Variants in IL31RA observed in about 807,000 individuals in gnomAD.
IL31RA encodes the protein interleukin-31 receptor subunit alpha.
Under a neutral mutation model 83.7 loss-of-function variants are expected in IL31RA, and 66 were observed. The observed-to-expected ratio is 0.79, with a 90% CI of 0.65 to 0.97. The LOEUF (loss-of-function observed/expected upper bound fraction) is 0.97. Among genes scored for constraint, IL31RA ranks in the 50% least tolerant of loss-of-function variants. The pLI is 0.00. For missense variants in IL31RA, 798 were observed against 919.4 expected, an observed-to-expected ratio of 0.87 and a Z score of 1.71; for synonymous variants, 325 against 329.0, an observed-to-expected ratio of 0.99 and a Z score of 0.13.
At position 55,900,122 on chromosome 5, in the gene IL31RA, T is replaced by A. The variant is rs777231435; in HGVS notation, c.1059T>A (p.Ile353=). 2.5e-6 allele frequency: 4 copies of A among 1,611,672 alleles called. No individual in the cohort carries two copies. Among genetic ancestry groups the A allele is most frequent in the Non-Finnish European group, 3.4e-6 (4 of 1,177,866 alleles). Residue 353 remains isoleucine, a synonymous_variant, in exon 8 of 15, where the codon ATT becomes ATA. Transcript: ENST00000652347. The part of the protein sequence containing the change: ...SPVATLRIPA[I]QEKSFQCIEV... Reference sequence around the variant, plus strand: ...TGGCCACCCTGAGGATTCCAGCTATTCAAGAAAAATGTAAGTAGAGCATCA... The same window carrying A: ...TGGCCACCCTGAGGATTCCAGCTATACAAGAAAAATGTAAGTAGAGCATCA...
chr5:55,879,465 C>T (rs1461365586), intron 4 of IL31RA, among the ~76,000 whole-genome samples: 4 of 62,854 alleles, frequency 6.4e-5, no homozygotes, highest in Non-Finnish European at 1.1e-4. Flanking sequence ...TGGAGTGTTG[C>T]TCTATCACCC....
At position 55,871,897 on chromosome 5, in the gene IL31RA, C is replaced by CAT. The variant is rs954749021; in HGVS notation, c.273-366_273-365dup. Reference sequence around the variant, plus strand: ...CCTTACATATATGAATATATTTTTACATATATATGTAAAAGAATAAATTTT... The same window carrying CAT: ...CCTTACATATATGAATATATTTTTACATATATATATGTAAAAGAATAAATTTT... On this transcript the variant is annotated intron_variant, in intron 3 of 14. Coordinates refer to ENST00000652347, the MANE Select transcript of IL31RA (RefSeq NM_139017.7). Among the ~76,000 whole-genome samples, 28 of 149,966 alleles carry CAT rather than the reference C, an allele frequency of 1.9e-4. No homozygotes were observed. The East Asian group carries it at 5.0e-3, about 27-fold the overall frequency.
chr5:55,913,130 G>A (rs571267850), intron 12 of IL31RA, among the ~76,000 whole-genome samples: 324 of 152,098 alleles, frequency 2.1e-3, no homozygotes, highest in Non-Finnish European at 4.1e-3. Flanking sequence ...TAGCCCTGTC[G>A]CCTAGGCTGG....
rs530993155 is a variant in IL31RA, at chr5:55,855,333, A to ATT, written c.63+3704_63+3705dup. Reference sequence around the variant, plus strand: ...TAATTTAAAATATATATATATATATATTTTTAGAGACAGAGTCTTGCTATG... The same window carrying ATT: ...TAATTTAAAATATATATATATATATATTTTTTTAGAGACAGAGTCTTGCTATG... On this transcript the variant is annotated intron_variant, in intron 1 of 14. Transcript: ENST00000652347. Among the ~76,000 whole-genome samples the ATT allele has an allele frequency of 1.5e-3, 227 of 150,654 alleles. 1 individual carries two copies. In the South Asian group the frequency reaches 0.018, roughly 12 times the overall value.
At chr5:55,852,753 T>C (rs1427468327) in intron 1 of IL31RA, among the ~76,000 whole-genome samples, 1 of 152,200 alleles carries the variant, frequency 6.6e-6, no homozygotes, top group Non-Finnish European at 1.5e-5. Context: ...ATAATCTAAT[T>C]TGAACCTTTG....
rs1261597170 is a variant in IL31RA, at chr5:55,922,444, A to C, written c.*5324A>C. On this transcript the variant is annotated 3_prime_UTR_variant, in exon 15 of 15. Coordinates refer to ENST00000652347, the MANE Select transcript of IL31RA (RefSeq NM_139017.7). The stretch of plus-strand genomic sequence containing the variant: ...CAACTTCAATATAAGTGTGGACTAA[A>C]ATGCGAGAAAGGTGTCCTGTGGTCT... 2 of 1,549,652 alleles carry C rather than the reference A, an allele frequency of 1.3e-6. No homozygotes were observed. Among genetic ancestry groups the C allele is most frequent in the Admixed American group, 3.9e-5 (2 of 51,008 alleles).
At chr5:55,845,478 C>T in the IL31RA span, among the ~76,000 whole-genome samples, 2 of 141,870 alleles carry the variant, frequency 1.4e-5, no homozygotes, top group Non-Finnish European at 3.1e-5. Context: ...CCCAAAATCT[C>T]GTCTTGAATT....
intron 8 of IL31RA, among the ~76,000 whole-genome samples, chr5:55,905,062 G>A (rs183102420): frequency 6.3e-4 from 95 of 151,746 alleles, no homozygotes; most frequent in Non-Finnish European, 1.1e-3. Flanking sequence ...TTAGCCAGGT[G>A]TGTTAGCATG....
intron 4 of IL31RA, among the ~76,000 whole-genome samples, chr5:55,881,454 G>A (rs948916635): frequency 6.6e-6 from 1 of 152,108 alleles, no homozygotes; most frequent in African/African-American, 2.4e-5. Flanking sequence ...TGCGCCTTGG[G>A]TTTTCTACGC....
intron 5 of IL31RA, among the ~76,000 whole-genome samples, chr5:55,883,398 G>C (rs970382226): frequency 6.6e-6 from 1 of 152,080 alleles, no homozygotes; most frequent in Non-Finnish European, 1.5e-5. Flanking sequence ...AGGCATTTTT[G>C]CCTTCTGAGC....
At chr5:55,913,633 A>G (rs1561126066) in intron 13 of IL31RA, 63 bp downstream of exon 13, 6 of 1,024,840 alleles carry the variant, frequency 5.9e-6, no homozygotes, top group Admixed American at 5.1e-5. Context: ...TGAAGTCATC[A>G]TAGGTGCTTC....
chr5:55,906,989 G>A lies in IL31RA; in HGVS notation c.1253-370G>A, dbSNP rs144507037. On this transcript the variant is annotated intron_variant, in intron 9 of 14. Coordinates refer to ENST00000652347, the MANE Select transcript of IL31RA (RefSeq NM_139017.7). The stretch of plus-strand genomic sequence containing the variant: ...GGCAGGGATGCAGGCAAGTAGAGGA[G>A]ATAGAAGTCACAGTGTTTGAGATCC... Among the ~76,000 whole-genome samples the A allele has an allele frequency of 2.7e-3, 405 of 152,294 alleles. 3 individuals carry two copies. Among genetic ancestry groups the A allele is most frequent in the African/African-American group, 9.1e-3 (379 of 41,550 alleles).
intron 6 of IL31RA, among the ~76,000 whole-genome samples, chr5:55,892,325 T>C (rs1350700651): frequency 6.6e-6 from 1 of 152,210 alleles, no homozygotes. Flanking sequence ...GATACCCATA[T>C]TGTAATAGAA....
intron 7 of IL31RA, among the ~76,000 whole-genome samples, chr5:55,897,642 CAGG>C (rs1014317833): frequency 5.3e-5 from 8 of 149,858 alleles, no homozygotes; most frequent in African/African-American, 2.0e-4. Context: ...GAGTGAGGAA[CAGG>C]AGAAGTCAGG....
chr5:55,840,692 C>G, the IL31RA span, among the ~76,000 whole-genome samples: 2 of 152,312 alleles, frequency 1.3e-5, no homozygotes, highest in Non-Finnish European at 2.9e-5. Flanking sequence ...CTGCCCTTTG[C>G]TGTCTTATTC....
chr5:55,874,842 A>G (rs761630567), intron 4 of IL31RA, among the ~76,000 whole-genome samples: 3 of 152,058 alleles, frequency 2.0e-5, no homozygotes, highest in Non-Finnish European at 4.4e-5. Flanking sequence ...TTCTTCCTTT[A>G]TGATCTGGAT....
intron 8 of IL31RA, among the ~76,000 whole-genome samples, chr5:55,901,429 A>G (rs917176175): frequency 2.0e-5 from 3 of 152,272 alleles, no homozygotes; most frequent in African/African-American, 2.4e-5. Context: ...TCCACAAGAT[A>G]CCATTAACCT....
intron 7 of IL31RA, 148 bp downstream of exon 7, chr5:55,896,577 T>TC: frequency 8.9e-6 from 3 of 337,270 alleles, no homozygotes; most frequent in South Asian, 4.9e-5. Flanking sequence ...TCCCCTCCCT[T>TC]CCCCCCACCT....
chr5:55,883,278 T>C (rs768942580), intron 5 of IL31RA, 83 bp downstream of exon 5: 8 of 1,201,664 alleles, frequency 6.7e-6, no homozygotes, highest in Admixed American at 1.7e-5. Flanking sequence ...CCTGGAATCA[T>C]TATTTCACTT....
Sources: gnomAD v4.1 joint callset for allele counts (sites outside exome capture counted in the v4.1 genomes callset) on GRCh38, gnomAD v4.1.1 for gene constraint, MANE v1.5 for transcripts, NCBI Gene and HGNC (gene_info 2026-07-23, HGNC 2026-07-21) for gene names.